TUNAR: variants seen among roughly 807,000 people sequenced by gnomAD.
TUNAR encodes protein TUNAR.
exon 3 of TUNAR, chr14:95,923,657 A>C (rs970363135): frequency 6.6e-6 from 1 of 152,046 alleles, no homozygotes; most frequent in Non-Finnish European, 1.5e-5. Flanking sequence ...CCAACTACAG[A>C]TGTTCTGTTG....
At chr14:95,898,238 T>C (rs960417433) in intron 2 of TUNAR, among the ~76,000 whole-genome samples, 3 of 152,254 alleles carry the variant, frequency 2.0e-5, no homozygotes, top group Admixed American at 6.5e-5. Flanking sequence ...TTGTTGCTGA[T>C]GAGAAGTCCG....
intron 2 of TUNAR, among the ~76,000 whole-genome samples, chr14:95,918,467 C>A (rs1468595283): frequency 6.6e-6 from 1 of 152,196 alleles, no homozygotes; most frequent in African/African-American, 2.4e-5. Flanking sequence ...TCTAACTTCT[C>A]CATTTAAGGA....
At chr14:95,922,248 C>A (rs1162228586) in intron 2 of TUNAR, among the ~76,000 whole-genome samples, 1 of 152,188 alleles carries the variant, frequency 6.6e-6, no homozygotes, top group Non-Finnish European at 1.5e-5. Flanking sequence ...GTGCATAGAC[C>A]CTTTACCATC....
At chr14:95,902,542 C>A (rs1419763676) in intron 2 of TUNAR, among the ~76,000 whole-genome samples, 1 of 152,196 alleles carries the variant, frequency 6.6e-6, no homozygotes, top group Non-Finnish European at 1.5e-5. Context: ...CATGGCCAAG[C>A]CATTTGCTCA....
At chr14:95,882,612 A>ACT (rs1888997902) in intron 2 of TUNAR, among the ~76,000 whole-genome samples, 1 of 151,922 alleles carries the variant, frequency 6.6e-6, no homozygotes, top group Non-Finnish European at 1.5e-5. Flanking sequence ...TTGAAACCTG[A>ACT]CTCCCAAGGT....
chr14:95,913,185 C>T (rs1385842457), intron 2 of TUNAR, among the ~76,000 whole-genome samples: 3 of 146,552 alleles, frequency 2.0e-5, no homozygotes, highest in Admixed American at 1.4e-4. Flanking sequence ...CTGGGATACA[C>T]GTGCAGAACC....
intron 2 of TUNAR, among the ~76,000 whole-genome samples, chr14:95,916,627 G>C (rs916531968): frequency 2.0e-5 from 3 of 152,148 alleles, no homozygotes; most frequent in Non-Finnish European, 4.4e-5. Flanking sequence ...AGGTGTACTC[G>C]GTGTGTATCT....
intron 2 of TUNAR, among the ~76,000 whole-genome samples, chr14:95,908,221 T>C (rs1889454823): frequency 6.6e-6 from 1 of 152,158 alleles, no homozygotes; most frequent in South Asian, 2.1e-4. Context: ...AGAAGTCAGA[T>C]AGTGGGAAGA....
intron 2 of TUNAR, among the ~76,000 whole-genome samples, chr14:95,910,025 C>A (rs1889488321): frequency 6.6e-6 from 1 of 152,102 alleles, no homozygotes; most frequent in African/African-American, 2.4e-5. Context: ...ATGGGCAGCA[C>A]CTGGGAGTCA....
chr14:95,894,254 A>G (rs1889224007), intron 2 of TUNAR, among the ~76,000 whole-genome samples: 1 of 152,240 alleles, frequency 6.6e-6, no homozygotes, highest in Non-Finnish European at 1.5e-5. Context: ...CCATTTTGTC[A>G]GAAATTCCCC....
At position 95,895,043 on chromosome 14, in the gene TUNAR, G is replaced by A. The variant is rs147645568; in HGVS notation, c.12+17866G>A. On this transcript the variant is annotated intron_variant, in intron 2 of 2. Transcript: ENST00000678517. This position sits in a 1 kb window ranked among gnomAD's most constrained non-coding sequence, Gnocchi z 4.5. ...GGCACAGAAATGGCCAAGGCAGGGA[G>A]TCAAGCCAGACAGCCAGCATCTCCA... Among the ~76,000 whole-genome samples, 9 of 152,360 alleles carry A rather than the reference G, an allele frequency of 5.9e-5. No homozygotes were observed. In the East Asian group the frequency reaches 1.3e-3, roughly 23 times the overall value.
intron 2 of TUNAR, among the ~76,000 whole-genome samples, chr14:95,917,885 A>G (rs1396379720): frequency 6.6e-6 from 1 of 152,222 alleles, no homozygotes; most frequent in Non-Finnish European, 1.5e-5. Flanking sequence ...AGGGTTGTGC[A>G]ACTGTCACTA....
At chr14:95,923,882 AC>A (rs1170659725) in exon 3 of TUNAR, 1 of 152,090 alleles carries the variant, frequency 6.6e-6, no homozygotes, top group African/African-American at 2.4e-5. Flanking sequence ...CCTTAGATGC[AC>A]CCTATCTTTA....
At chr14:95,900,325 C>T (rs958436619) in intron 2 of TUNAR, among the ~76,000 whole-genome samples, 5 of 152,016 alleles carry the variant, frequency 3.3e-5, no homozygotes, top group African/African-American at 1.2e-4. Flanking sequence ...TGCATGATTG[C>T]GGGGAAAGGA....
At chr14:95,923,158 C>T (rs942026000) in exon 3 of TUNAR, 1 of 388,736 alleles carries the variant, frequency 2.6e-6, no homozygotes, top group Non-Finnish European at 4.5e-6. Context: ...GACACTAAAG[C>T]ACAATGATTC....
At chr14:95,881,654 C>T (rs1220488152) in intron 2 of TUNAR, among the ~76,000 whole-genome samples, 1 of 152,152 alleles carries the variant, frequency 6.6e-6, no homozygotes, top group Non-Finnish European at 1.5e-5. Context: ...TTCACGTTAT[C>T]GAGTAGAGAT....
chr14:95,924,229 G>T (rs531718189), exon 3 of TUNAR: 9 of 152,330 alleles, frequency 5.9e-5, no homozygotes, highest in African/African-American at 1.9e-4. Flanking sequence ...TGGTGATTCA[G>T]GCTGTGAGGA....
At chr14:95,881,964 C>T (rs1021483364) in intron 2 of TUNAR, among the ~76,000 whole-genome samples, 19 of 152,212 alleles carry the variant, frequency 1.2e-4, no homozygotes, top group African/African-American at 3.6e-4. Flanking sequence ...ATGTGAGTGA[C>T]GTCTTCACCA....
At chr14:95,887,004 A>G (rs1889088719) in intron 2 of TUNAR, among the ~76,000 whole-genome samples, 1 of 152,136 alleles carries the variant, frequency 6.6e-6, no homozygotes. Flanking sequence ...GAATGCAAGC[A>G]GAGAAAGGAA....
Sources: gnomAD v4.1 joint callset for allele counts (sites outside exome capture counted in the v4.1 genomes callset) on GRCh38, gnomAD v4.1.1 for gene constraint, Gnocchi (gnomAD v3.1) non-coding constraint, MANE v1.5 for transcripts, NCBI Gene and HGNC (gene_info 2026-07-23, HGNC 2026-07-21) for gene names.